FA2H: variants seen among roughly 807,000 people sequenced by gnomAD.
FA2H encodes fatty acid alpha-hydroxylase.
Under a neutral mutation model 44.9 loss-of-function variants are expected in FA2H, and 22 were observed. The observed-to-expected ratio is 0.49, with a 90% CI of 0.35 to 0.70. The LOEUF (loss-of-function observed/expected upper bound fraction) is 0.70, where lower values mean the gene tolerates loss of function less well. FA2H is among the 30% of genes least tolerant of loss of function. The pLI, the probability that FA2H is intolerant of heterozygous loss-of-function variation, is 0.01. For missense variants in FA2H, 501 were observed against 504.9 expected, an observed-to-expected ratio of 0.99 and a Z score of 0.07; for synonymous variants, 243 against 213.2, an observed-to-expected ratio of 1.14 and a Z score of -1.22.
chr16:74,749,587 T>C (rs1473366791), intron 1 of FA2H, among the ~76,000 whole-genome samples: 2 of 152,154 alleles, frequency 1.3e-5, no homozygotes, highest in Non-Finnish European at 2.9e-5. Context: ...GCTCGTGAAG[T>C]GAACTCCCTC....
rs8047571 is a variant in FA2H at position 74,718,327 on chromosome 16, T to C, written c.786+661A>G. ...AGACGGGCTGGGGAACAGCCTGGGATGGGCCAAGGACAGCACAATGCAGGG... is the reference window on the plus strand; with the variant it reads ...AGACGGGCTGGGGAACAGCCTGGGACGGGCCAAGGACAGCACAATGCAGGG... On this transcript the variant is annotated intron_variant, in intron 5 of 6. Coordinates refer to ENST00000219368, the MANE Select transcript of FA2H (RefSeq NM_024306.5). 0.32 allele frequency among the ~76,000 whole-genome samples: 49,108 copies of C among 151,990 alleles called. 9,023 individuals are homozygous for C. Among genetic ancestry groups the C allele is most frequent in the African/African-American group, 0.51 (20,953 of 41,440 alleles).
In FA2H at chr16:74,714,009, C is replaced by A. The variant is rs1040319238; in HGVS notation, c.*181G>T. ...CCACCAAGTGGATGTGACCCTCCTA[C>A]CAGGGGTCAGGAGGGCGGTCCTGCC... is the stretch of plus-strand genomic sequence containing the variant. On this transcript the variant is annotated 3_prime_UTR_variant, in exon 7 of 7. Transcript: ENST00000219368. 19 of 593,022 alleles carry A rather than the reference C, an allele frequency of 3.2e-5. No homozygotes were observed. The highest frequency in any genetic ancestry group is 2.2e-4 in the African/African-American group (12 of 53,770). 36.7% of individuals were successfully genotyped at this position (593,022 alleles called of 1,614,324 possible). A position where few individuals can be genotyped will look rare whatever the true frequency, so the allele number is the denominator to read the frequency against.
chr16:74,715,897 C>T (rs1028845145), intron 6 of FA2H, among the ~76,000 whole-genome samples: 1 of 151,264 alleles, frequency 6.6e-6, no homozygotes, highest in African/African-American at 2.4e-5. Context: ...CTCACTGTAG[C>T]TTCTGCCTCC....
intron 1 of FA2H, among the ~76,000 whole-genome samples, chr16:74,749,372 C>G (rs4985361): frequency 0.5 from 75,466 of 150,258 alleles, 20,884 homozygotes; most frequent in Non-Finnish European, 0.61. Context: ...ACCCCTCGCC[C>G]TCCCCGCAGT....
At chr16:74,717,362 C>T (rs1451631609) in intron 5 of FA2H, among the ~76,000 whole-genome samples, 1 of 152,018 alleles carries the variant, frequency 6.6e-6, no homozygotes, top group East Asian at 1.9e-4. Context: ...TCCCTTCAGA[C>T]CAGGAACAAC....
At chr16:74,768,924 C>T (rs1294401107) in intron 1 of FA2H, among the ~76,000 whole-genome samples, 1 of 151,778 alleles carries the variant, frequency 6.6e-6, no homozygotes, top group East Asian at 1.9e-4. Flanking sequence ...TTGCCTTCTC[C>T]CTAAAGTCTT....
At chr16:74,716,664 G>A (rs370734744) in intron 5 of FA2H, 65 bp from the exon 6 acceptor site, 1 of 1,493,792 alleles carries the variant, frequency 6.7e-7, no homozygotes. Context: ...CCAAACCCTG[G>A]CCACTCCCTG....
chr16:74,719,821 G>A (rs989960090), intron 4 of FA2H, among the ~76,000 whole-genome samples: 1 of 152,032 alleles, frequency 6.6e-6, no homozygotes, highest in Non-Finnish European at 1.5e-5. Flanking sequence ...CTCCCAAAGT[G>A]CTGAGATAAC....
rs1413600445 is a variant in FA2H at position 74,774,553 on chromosome 16, CTGT to C, written c.200_202del (p.His67del). 6.5e-7 allele frequency: 1 copy of C among 1,546,328 alleles called. No homozygotes were observed. Among genetic ancestry groups the C allele is most frequent in the South Asian group, 1.2e-5 (1 of 82,882 alleles). ...CCAGCGGCGCGCGTTGGCCGAGTGC[CTGT>C]GCGGCGGCCCGTCCAGGTCGGCGCT... On this transcript the variant is annotated inframe_deletion, in exon 1 of 7. Coordinates refer to ENST00000219368, the MANE Select transcript of FA2H (RefSeq NM_024306.5).
At chr16:74,771,306 TC>T (rs1039338900) in intron 1 of FA2H, among the ~76,000 whole-genome samples, 2 of 152,126 alleles carry the variant, frequency 1.3e-5, no homozygotes, top group Non-Finnish European at 2.9e-5. Flanking sequence ...TTCTCTTACC[TC>T]AGCCTCCCGA....
chr16:74,774,630 G>A lies in FA2H; in HGVS notation c.126C>T (p.His42=), dbSNP rs1176139669. ...RLYDLSSFVR[H]HPGGEQLLRA... Reference sequence around the variant, plus strand: ...GCAGCAGCTGCTCGCCCCCCGGGTGGTGCCGCACGAAGCTGGAGAGGTCGT... The same window carrying A: ...GCAGCAGCTGCTCGCCCCCCGGGTGATGCCGCACGAAGCTGGAGAGGTCGT... Residue 42 remains histidine, a synonymous_variant, in exon 1 of 7, where the codon CAC becomes CAT. Coordinates refer to ENST00000219368, the MANE Select transcript of FA2H (RefSeq NM_024306.5). The A allele has an allele frequency of 3.3e-6, 5 of 1,514,862 alleles. No homozygotes were observed. In the Admixed American group the frequency reaches 6.1e-5, roughly 19 times the overall value. 93.8% of individuals were successfully genotyped at this position (1,514,862 alleles called of 1,614,324 possible). A position where few individuals can be genotyped will look rare whatever the true frequency, so the allele number is the denominator to read the frequency against.
chr16:74,774,676 AC>A lies in FA2H; in HGVS notation c.79del (p.Val27SerfsTer72). 1 of 1,409,298 alleles carries A rather than the reference AC, an allele frequency of 7.1e-7. No individual in the cohort carries two copies. The highest frequency in any genetic ancestry group is 1.6e-5 in the South Asian group (1 of 63,956). The allele number at this position is 1,409,298 out of a possible 1,614,324, so 87.3% of individuals were successfully genotyped here. The stretch of plus-strand genomic sequence containing the variant: ...GTCGTAGAGGCGGGCCCCGCGGCGG[AC>A]CCAGCACGCGCCGGCCGCCAGGCGC... The part of the protein sequence containing the change: ...QRRLAAGACW[V>X]RRGARLYDLS... On this transcript the variant is annotated frameshift_variant, in exon 1 of 7. Coordinates refer to ENST00000219368, the MANE Select transcript of FA2H (RefSeq NM_024306.5). LOFTEE classifies it high-confidence loss of function.
At position 74,719,050 on chromosome 16, in the gene FA2H, G is replaced by T. The variant is rs763544424; in HGVS notation, c.724C>A (p.Pro242Thr). The T allele has an allele frequency of 1.2e-6, 2 of 1,614,024 alleles. No individual in the cohort carries two copies. Among genetic ancestry groups the T allele is most frequent in the Non-Finnish European group, 8.5e-7 (1 of 1,180,024 alleles). ...ATGAGGTAATAGCTGTCGCTGGGGG[G>T]CTTCATGTGGAACAGGAAGCGGTGG... ...LIHRFLFHMK[P>T]PSDSYYLIML... is the part of the protein sequence containing the mutation. The change falls in exon 5 of 7, where the codon CCC becomes ACC. Residue 242 changes from proline to threonine, a missense_variant. By Grantham distance (38) the Pro-to-Thr change is conservative (BLOSUM62 -1). Transcript: ENST00000219368.
intron 1 of FA2H, among the ~76,000 whole-genome samples, chr16:74,751,757 G>T (rs1401281403): frequency 6.6e-6 from 1 of 152,166 alleles, no homozygotes; most frequent in African/African-American, 2.4e-5. Flanking sequence ...GCTGGGCTGG[G>T]ACACAGCTCT....
At chr16:74,734,536 C>T (rs1962143531) in intron 2 of FA2H, among the ~76,000 whole-genome samples, 1 of 152,230 alleles carries the variant, frequency 6.6e-6, no homozygotes, top group South Asian at 2.1e-4. Flanking sequence ...CGGTCCCTGC[C>T]TTAGAGAGAA....
At chr16:74,761,345 C>T (rs1044230666) in intron 1 of FA2H, among the ~76,000 whole-genome samples, 9 of 151,618 alleles carry the variant, frequency 5.9e-5, no homozygotes, top group Admixed American at 3.9e-4. Context: ...CCCAGCTACT[C>T]GGGAGGCTGA....
At chr16:74,730,646 C>G (rs139943850) in intron 2 of FA2H, among the ~76,000 whole-genome samples, 1 of 152,246 alleles carries the variant, frequency 6.6e-6, no homozygotes, top group Middle Eastern at 3.4e-3. Context: ...CCTTATCTTG[C>G]GGCAGTCTGC....
chr16:74,747,035 G>C (rs931200626), intron 1 of FA2H, among the ~76,000 whole-genome samples: 3 of 152,164 alleles, frequency 2.0e-5, no homozygotes, highest in East Asian at 3.9e-4. Flanking sequence ...AATTAGCCAG[G>C]CATGGCGGTT....
chr16:74,747,833 G>A (rs1418907587), intron 1 of FA2H, among the ~76,000 whole-genome samples: 4 of 152,162 alleles, frequency 2.6e-5, no homozygotes, highest in Non-Finnish European at 4.4e-5. Context: ...CCCACTTTGT[G>A]ACAGTTTGTT....
Sources: allele counts gnomAD v4.1 joint callset (sites outside exome capture counted in the v4.1 genomes callset), GRCh38; gene constraint gnomAD v4.1.1; transcripts MANE v1.5; gene names NCBI Gene and HGNC (gene_info 2026-07-23, HGNC 2026-07-21).